The following ATAD2B variants were observed in gnomAD, a reference collection of about 807,000 sequenced individuals.
ATAD2B encodes ATPase family AAA domain-containing protein 2B.
In ATAD2B, 40 loss-of-function variants were observed where a neutral mutation model predicts 167.6. The observed-to-expected ratio is 0.24, with a 90% CI of 0.19 to 0.31. The LOEUF is 0.31. Ranked by LOEUF, ATAD2B falls within the 10% of genes least tolerant of loss-of-function variation. The pLI, the probability that ATAD2B is intolerant of heterozygous loss-of-function variation, is 1.00. For missense variants in ATAD2B, 1,242 were observed against 1,757.2 expected, an observed-to-expected ratio of 0.71 and a Z score of 5.24; for synonymous variants, 579 against 596.5, an observed-to-expected ratio of 0.97 and a Z score of 0.43.
chr2:23,752,120 T>C (rs1675414462), intron 27 of ATAD2B, 33 bp from the exon 28 acceptor site: 1 of 1,454,040 alleles, frequency 6.9e-7, no homozygotes, highest in African/African-American at 1.4e-5. Context: ...TGTTATCTAT[T>C]AAGGGAAAGA....
At chr2:23,696,737 A>T in the ATAD2B span, 1 of 481,080 alleles carries the variant, frequency 2.1e-6, no homozygotes, top group Non-Finnish European at 3.6e-6. This position sits in a 1 kb window ranked among gnomAD's most constrained non-coding sequence, Gnocchi z 5.5. Flanking sequence ...AGTCGCTGAG[A>T]TGGGAGATGG....
the ATAD2B span, chr2:23,697,774 G>A: frequency 1.3e-5 from 2 of 152,190 alleles, no homozygotes; most frequent in Non-Finnish European, 2.9e-5. Context: ...GCAGTTGCTG[G>A]AGCTGGGTTG....
chr2:23,720,353 C>T, the ATAD2B span, among the ~76,000 whole-genome samples: 3 of 152,058 alleles, frequency 2.0e-5, no homozygotes, highest in Non-Finnish European at 2.9e-5. Context: ...GAGAGTGGAT[C>T]AGTTGAGGTC....
chr2:23,923,859 GA>G (rs913484937), intron 1 of ATAD2B, among the ~76,000 whole-genome samples: 1 of 152,144 alleles, frequency 6.6e-6, no homozygotes, highest in African/African-American at 2.4e-5. Context: ...GGAAAAGGGG[GA>G]AAAATAGGCA....
At chr2:23,882,009 C>T (rs1323614977) in intron 6 of ATAD2B, among the ~76,000 whole-genome samples, 5 of 151,686 alleles carry the variant, frequency 3.3e-5, no homozygotes, top group Non-Finnish European at 5.9e-5. Context: ...AGGCGTGAGC[C>T]AAAATATTAT....
chr2:23,867,736 C>A (rs536884129), intron 10 of ATAD2B, 99 bp downstream of exon 10: 1 of 805,052 alleles, frequency 1.2e-6, no homozygotes. Context: ...TTAACACTGT[C>A]ATATCCGAAT....
chr2:23,771,066 T>G (rs973388834), intron 22 of ATAD2B, among the ~76,000 whole-genome samples: 1 of 152,256 alleles, frequency 6.6e-6, no homozygotes, highest in Non-Finnish European at 1.5e-5. Flanking sequence ...GATTTATCTA[T>G]ATTTCATGTT....
At chr2:23,802,175 A>C (rs2149480781) in intron 18 of ATAD2B, among the ~76,000 whole-genome samples, 1 of 152,134 alleles carries the variant, frequency 6.6e-6, no homozygotes, top group Middle Eastern at 3.4e-3. Context: ...AAGCACAGGT[A>C]AAAGAAAAAT....
At chr2:23,909,857 T>C (rs967469945) in intron 1 of ATAD2B, among the ~76,000 whole-genome samples, 11 of 151,872 alleles carry the variant, frequency 7.2e-5, no homozygotes, top group Non-Finnish European at 1.6e-4. Context: ...TTGTTTTTTT[T>C]TGTTTGTTTT....
intron 1 of ATAD2B, among the ~76,000 whole-genome samples, chr2:23,903,948 G>GTGC (rs1461134380): frequency 6.6e-6 from 1 of 152,092 alleles, no homozygotes; most frequent in Non-Finnish European, 1.5e-5. Flanking sequence ...GTTGGTGGTG[G>GTGC]TGGTGGTGGT....
chr2:23,924,387 A>C (rs980657057), intron 1 of ATAD2B, among the ~76,000 whole-genome samples: 23 of 152,368 alleles, frequency 1.5e-4, no homozygotes, highest in African/African-American at 5.5e-4. Flanking sequence ...CCCCACAGAC[A>C]TAGAGGGTGT....
intron 7 of ATAD2B, among the ~76,000 whole-genome samples, chr2:23,879,993 GGCTGCAGT>G (rs1004845153): frequency 1.3e-5 from 2 of 151,608 alleles, no homozygotes; most frequent in Admixed American, 6.6e-5. Flanking sequence ...AGGAGGCAGA[GGCTGCAGT>G]GCACTGAGAT....
chr2:23,905,201 G>T (rs1478719638), intron 1 of ATAD2B, among the ~76,000 whole-genome samples: 1 of 152,118 alleles, frequency 6.6e-6, no homozygotes, highest in African/African-American at 2.4e-5. Flanking sequence ...TTTAAAATAA[G>T]AAAGAGACAA....
intron 2 of ATAD2B, among the ~76,000 whole-genome samples, chr2:23,893,024 T>A (rs1699752028): frequency 6.6e-6 from 1 of 152,130 alleles, no homozygotes; most frequent in Admixed American, 6.5e-5. Flanking sequence ...ACCAAAAACA[T>A]CCTATTTTAC....
intron 1 of ATAD2B, among the ~76,000 whole-genome samples, chr2:23,917,346 A>G (rs1254156205): frequency 6.6e-6 from 1 of 152,262 alleles, no homozygotes; most frequent in Non-Finnish European, 1.5e-5. Context: ...ATATAAACTA[A>G]CAATGCTAAA....
At chr2:23,693,209 G>A in the ATAD2B span, 1 of 1,499,704 alleles carries the variant, frequency 6.7e-7, no homozygotes, top group African/African-American at 1.4e-5. Context: ...ACAGCAATGG[G>A]AACAGGTGGC....
At chr2:23,734,013 C>A in the ATAD2B span, among the ~76,000 whole-genome samples, 1 of 152,130 alleles carries the variant, frequency 6.6e-6, no homozygotes, top group Non-Finnish European at 1.5e-5. Flanking sequence ...ATTTTTATTG[C>A]ATTCTTTCAT....
downstream of ATAD2B, among the ~76,000 whole-genome samples, chr2:23,743,764 C>T (rs559298562): frequency 1.3e-5 from 2 of 152,016 alleles, no homozygotes; most frequent in Non-Finnish European, 2.9e-5. Flanking sequence ...GTGGCTGAGA[C>T]TATGATGCAT....
At chr2:23,765,247 G>T (rs1443983258) in intron 23 of ATAD2B, among the ~76,000 whole-genome samples, 1 of 152,000 alleles carries the variant, frequency 6.6e-6, no homozygotes, top group Non-Finnish European at 1.5e-5. Flanking sequence ...TCTTAAAAAA[G>T]ATATACTCCT....
Sources: allele counts gnomAD v4.1 joint callset (sites outside exome capture counted in the v4.1 genomes callset), GRCh38; gene constraint gnomAD v4.1.1; non-coding constraint Gnocchi (gnomAD v3.1); transcripts MANE v1.5; gene names NCBI Gene and HGNC (gene_info 2026-07-23, HGNC 2026-07-21).